Variants in ZNF599 observed in about 807,000 individuals in gnomAD.
ZNF599 encodes zinc finger protein 599.
ZNF599 carries 10 observed loss-of-function variants against 11.7 expected under a neutral mutation model. That is an observed-to-expected ratio of 0.86 (90% CI 0.53 to 1.45). ZNF599 has a LOEUF of 1.45. Ranked by LOEUF, ZNF599 falls within the 40% of genes most tolerant of loss-of-function variation. The pLI is 0.00. For missense variants in ZNF599, 688 were observed against 713.6 expected (o/e 0.96, Z 0.41); for synonymous variants, 232 against 253.2 (o/e 0.92, Z 0.79).
the ZNF599 span, among the ~76,000 whole-genome samples, chr19:34,784,012 C>T: frequency 6.6e-6 from 1 of 152,208 alleles, no homozygotes; most frequent in African/African-American, 2.4e-5. Flanking sequence ...CTGCCCAAGA[C>T]CCCCTGTATT....
intron 3 of ZNF599, chr19:34,764,149 G>A (rs2069128568): frequency 6.6e-6 from 1 of 152,138 alleles, no homozygotes; most frequent in Non-Finnish European, 1.5e-5. Context: ...GTAAACTGTA[G>A]ACCACTGTCT....
chr19:34,760,427 T>G lies in ZNF599; in HGVS notation c.374A>C (p.Glu125Ala). The G allele has an allele frequency of 6.2e-7, 1 of 1,614,182 alleles. No individual in the cohort carries two copies. The highest frequency in any genetic ancestry group is 2.2e-5 in the East Asian group (1 of 44,880). The change falls in exon 4 of 4, where the codon GAA becomes GCA. Residue 125 changes from glutamate to alanine, a missense_variant. Coordinates refer to ENST00000329285, the MANE Select transcript of ZNF599 (RefSeq NM_001007248.3). ...CCCTTCCTGAATTTTTATTAGCTTT[T>G]CCTCATCTCTAGCTTGCCCCAACCT... ...DSRLGQARDE[E>A]KLIKIQEGNL...
intron 3 of ZNF599, among the ~76,000 whole-genome samples, chr19:34,762,618 T>A (rs1329907461): frequency 6.6e-6 from 1 of 152,152 alleles, no homozygotes; most frequent in African/African-American, 2.4e-5. Context: ...ATAAATACAT[T>A]GTGTTATATT....
chr19:34,783,839 C>T, the ZNF599 span, among the ~76,000 whole-genome samples: 1 of 152,238 alleles, frequency 6.6e-6, no homozygotes, highest in Admixed American at 6.5e-5. Flanking sequence ...TAGCACTCTT[C>T]AGACTGCACC....
the ZNF599 span, among the ~76,000 whole-genome samples, chr19:34,789,497 C>T: frequency 2.6e-5 from 4 of 152,106 alleles, no homozygotes; most frequent in African/African-American, 9.7e-5. Context: ...CCCTCTTATC[C>T]ACCTCCTCGC....
intron 3 of ZNF599, chr19:34,765,784 T>C: frequency 1.5e-6 from 1 of 667,282 alleles, no homozygotes; most frequent in East Asian, 2.7e-5. Context: ...TGTGAGTGGA[T>C]GCAGATATAA....
chr19:34,758,357 CAT>C lies in ZNF599; in HGVS notation c.*675_*676del, dbSNP rs771649436. On this transcript the variant is annotated 3_prime_UTR_variant, in exon 4 of 4. Coordinates refer to ENST00000329285, the MANE Select transcript of ZNF599 (RefSeq NM_001007248.3). ...ATAAATGTACATGTGTACATGTGCA[CAT>C]GTGTTAAGTATTTCATGACTCAAGC... is the stretch of plus-strand genomic sequence containing the variant. The C allele has an allele frequency of 6.6e-5, 10 of 152,322 alleles. No homozygotes were observed. In the South Asian group the frequency reaches 8.3e-4, roughly 13 times the overall value. 9.4% of individuals were successfully genotyped at this position (152,322 alleles called of 1,614,324 possible). A position where few individuals can be genotyped will look rare whatever the true frequency, so the allele number is the denominator to read the frequency against.
intron 3 of ZNF599, chr19:34,764,022 C>G (rs2069127702): frequency 6.6e-6 from 1 of 152,162 alleles, no homozygotes; most frequent in Non-Finnish European, 1.5e-5. Context: ...GCAGAGGCTG[C>G]AGTGAGCCGA....
the ZNF599 span, among the ~76,000 whole-genome samples, chr19:34,798,865 T>C: frequency 2.0e-5 from 3 of 152,210 alleles, no homozygotes. Context: ...AACAGTATCA[T>C]TGTAGCCTCA....
the ZNF599 span, among the ~76,000 whole-genome samples, chr19:34,801,467 G>T: frequency 6.6e-6 from 1 of 152,184 alleles, no homozygotes; most frequent in African/African-American, 2.4e-5. Flanking sequence ...GCAGCTGAAG[G>T]TTTTCCCACA....
chr19:34,760,523 G>A lies in ZNF599; in HGVS notation c.278C>T (p.Ala93Val), dbSNP rs2069105993. The part of the protein sequence containing the change: ...KAKPKITEPT[A>V]SQLAFSEESS... Reference sequence around the variant, plus strand: ...TTCCTCAGAGAAGGCCAGCTGAGAAGCAGTAGGCTCTGTAATCTTGGGTTT... The same window carrying A: ...TTCCTCAGAGAAGGCCAGCTGAGAAACAGTAGGCTCTGTAATCTTGGGTTT... Residue 93 changes from alanine (A) to valine (V), a missense_variant, in exon 4 of 4, where the codon GCT becomes GTT. Transcript: ENST00000329285. 5 of 1,612,926 alleles carry A rather than the reference G, an allele frequency of 3.1e-6. No homozygotes were observed. Among genetic ancestry groups the A allele is most frequent in the Non-Finnish European group, 4.2e-6 (5 of 1,179,666 alleles).
At chr19:34,764,426 T>C (rs1181683042) in intron 3 of ZNF599, 1 of 152,254 alleles carries the variant, frequency 6.6e-6, no homozygotes, top group Non-Finnish European at 1.5e-5. Context: ...CTTGTATGTA[T>C]ATTCCCAACA....
At chr19:34,795,508 A>G in the ZNF599 span, among the ~76,000 whole-genome samples, 3,107 of 152,148 alleles carry the variant, frequency 0.02, 92 homozygotes, top group African/African-American at 0.071. Flanking sequence ...TCAAACTCCT[A>G]GGCTCAGGTG....
the ZNF599 span, among the ~76,000 whole-genome samples, chr19:34,803,873 A>C: frequency 1.3e-5 from 2 of 152,124 alleles, no homozygotes; most frequent in Non-Finnish European, 2.9e-5. Context: ...ATCATTCTTT[A>C]GGCTATTCCT....
At chr19:34,806,313 G>A in the ZNF599 span, among the ~76,000 whole-genome samples, 1 of 152,230 alleles carries the variant, frequency 6.6e-6, no homozygotes, top group South Asian at 2.1e-4. Flanking sequence ...TTGTAACTTT[G>A]AACAAGTACT....
At chr19:34,786,999 C>T in the ZNF599 span, among the ~76,000 whole-genome samples, 1 of 152,144 alleles carries the variant, frequency 6.6e-6, no homozygotes, top group Non-Finnish European at 1.5e-5. Flanking sequence ...TTTAAAAATG[C>T]ATGCTCCCTG....
At chr19:34,761,360 G>T (rs1048852818) in intron 3 of ZNF599, among the ~76,000 whole-genome samples, 3 of 152,094 alleles carry the variant, frequency 2.0e-5, no homozygotes, top group Non-Finnish European at 2.9e-5. Flanking sequence ...TCAATATAAA[G>T]TTATCAGTTC....
chr19:34,795,024 T>C, the ZNF599 span, among the ~76,000 whole-genome samples: 4 of 152,216 alleles, frequency 2.6e-5, no homozygotes, highest in African/African-American at 9.6e-5. Context: ...ATGTCTTTAT[T>C]TTCTGGGTCA....
upstream of ZNF599, among the ~76,000 whole-genome samples, chr19:34,775,741 A>G (rs2069214804): frequency 1.3e-5 from 2 of 152,214 alleles, no homozygotes; most frequent in Non-Finnish European, 2.9e-5. Flanking sequence ...GCTATGTAAT[A>G]TTTGTTACAT....
Sources: allele counts gnomAD v4.1 joint callset (sites outside exome capture counted in the v4.1 genomes callset), GRCh38; gene constraint gnomAD v4.1.1; transcripts MANE v1.5; gene names NCBI Gene and HGNC (gene_info 2026-07-23, HGNC 2026-07-21).